Variants in SLC13A1 observed in about 807,000 individuals in gnomAD.
SLC13A1 encodes solute carrier family 13 member 1, also known as Na(+)/sulfate cotransporter.
SLC13A1 carries 65 observed loss-of-function variants against 70.0 expected under a neutral mutation model. The observed-to-expected ratio is 0.93, with a 90% CI of 0.76 to 1.14. SLC13A1 has a LOEUF of 1.14. SLC13A1 is among the 50% of genes most tolerant of loss of function. SLC13A1 has a pLI of 0.00. For missense variants in SLC13A1, 726 were observed against 717.8 expected (o/e 1.01, Z -0.13); for synonymous variants, 275 against 250.5 (o/e 1.10, Z -0.92).
At chr7:123,170,615 T>TG (rs1474322114) in intron 3 of SLC13A1, among the ~76,000 whole-genome samples, 43 of 130,236 alleles carry the variant, frequency 3.3e-4, no homozygotes, top group Non-Finnish European at 5.6e-4. Flanking sequence ...GACGTCGTTT[T>TG]GGTTTTTTTT....
chr7:123,170,783 CAT>C (rs1285370361), intron 3 of SLC13A1, among the ~76,000 whole-genome samples: 2 of 152,036 alleles, frequency 1.3e-5, no homozygotes, highest in African/African-American at 4.8e-5. Flanking sequence ...TGCCTGTCAC[CAT>C]ACCCGGCTAA....
At chr7:123,157,204 A>G (rs1382325753) in intron 6 of SLC13A1, among the ~76,000 whole-genome samples, 2 of 152,178 alleles carry the variant, frequency 1.3e-5, no homozygotes, top group African/African-American at 4.8e-5. Context: ...TACAGCTAGT[A>G]TGAACTCTTC....
chr7:123,161,468 C>T (rs1794894574), intron 6 of SLC13A1, among the ~76,000 whole-genome samples: 1 of 152,088 alleles, frequency 6.6e-6, no homozygotes, highest in African/African-American at 2.4e-5. Flanking sequence ...AATAGAAAAT[C>T]TGAATACTCT....
intron 10 of SLC13A1, among the ~76,000 whole-genome samples, chr7:123,127,881 G>A: frequency 7.7e-6 from 1 of 129,500 alleles, no homozygotes; most frequent in Admixed American, 8.8e-5. Flanking sequence ...GGGGATTTGA[G>A]ACAGGAAGTC....
chr7:123,166,211 C>G (rs1331879223), intron 6 of SLC13A1, among the ~76,000 whole-genome samples: 1 of 151,890 alleles, frequency 6.6e-6, no homozygotes, highest in African/African-American at 2.4e-5. Context: ...ATCAAAAGAC[C>G]TGCCTACAAT....
intron 7 of SLC13A1, among the ~76,000 whole-genome samples, chr7:123,142,450 G>A (rs1255046227): frequency 6.6e-6 from 1 of 152,046 alleles, no homozygotes; most frequent in African/African-American, 2.4e-5. Context: ...GGCCAAGCTG[G>A]CACCTAAAGT....
intron 1 of SLC13A1, among the ~76,000 whole-genome samples, chr7:123,193,476 T>C (rs1796066854): frequency 6.6e-6 from 1 of 152,202 alleles, no homozygotes; most frequent in Admixed American, 6.5e-5. Flanking sequence ...TTGTCCATCA[T>C]GGGTAGAGGT....
chr7:123,125,565 C>T lies in SLC13A1; in HGVS notation c.1240+4G>A. On this transcript the variant is annotated splice_donor_region_variant and intron_variant, in intron 11 of 14. Transcript: ENST00000194130. ...TTTATGCAGAATTATAAATGATACTCAACCAATTTCTCCTGTAGGTGTAGT... is the reference window on the plus strand; with the variant it reads ...TTTATGCAGAATTATAAATGATACTTAACCAATTTCTCCTGTAGGTGTAGT... The T allele has an allele frequency of 6.3e-7, 1 of 1,587,670 alleles. No homozygotes were observed. The highest frequency in any genetic ancestry group is 8.6e-7 in the Non-Finnish European group (1 of 1,162,848).
rs1386000047 is a variant in SLC13A1, at chr7:123,168,512, T to C, written c.603A>G (p.Pro201=). 3.7e-6 allele frequency: 6 copies of C among 1,610,832 alleles called. No individual in the cohort carries two copies. In the South Asian group the frequency reaches 6.6e-5, roughly 18 times the overall value. The change falls in exon 5 of 15, where the codon CCA becomes CCG. Residue 201 remains proline, a synonymous_variant. Transcript: ENST00000194130. Reference sequence around the variant, plus strand: ...ATGTCAGTATTCCTTACCCTGGAACTGGTTTTGTTTTCTCTTTCCTCTCAT... The same window carrying C: ...ATGTCAGTATTCCTTACCCTGGAACCGGTTTTGTTTTCTCTTTCCTCTCAT... The part of the protein sequence containing the change: ...EINERKEKTK[P]VPGYNNDTGK...
intron 7 of SLC13A1, among the ~76,000 whole-genome samples, chr7:123,143,944 A>G (rs1794252512): frequency 1.3e-5 from 2 of 152,248 alleles, no homozygotes; most frequent in South Asian, 4.1e-4. Context: ...TTACAAGATA[A>G]AGTCCCTCGG....
chr7:123,153,270 C>A (rs1199976726), intron 6 of SLC13A1, among the ~76,000 whole-genome samples: 4 of 152,066 alleles, frequency 2.6e-5, no homozygotes, highest in Non-Finnish European at 5.9e-5. Flanking sequence ...ATTATTGCTA[C>A]TGCACATGAG....
chr7:123,122,248 G>C (rs925303508), intron 12 of SLC13A1, among the ~76,000 whole-genome samples: 1 of 152,078 alleles, frequency 6.6e-6, no homozygotes, highest in South Asian at 2.1e-4. Context: ...TTTGTCTTGA[G>C]TAGTATAGAA....
At chr7:123,141,922 A>G (rs1189267175) in intron 7 of SLC13A1, among the ~76,000 whole-genome samples, 4 of 152,140 alleles carry the variant, frequency 2.6e-5, no homozygotes, top group Admixed American at 2.6e-4. Context: ...GTCCACTTAC[A>G]TTCAATGTTA....
chr7:123,142,987 T>C (rs1794211824), intron 7 of SLC13A1, among the ~76,000 whole-genome samples: 1 of 152,040 alleles, frequency 6.6e-6, no homozygotes, highest in Non-Finnish European at 1.5e-5. Context: ...AACAACAGAT[T>C]TCATTCTGGC....
intron 1 of SLC13A1, among the ~76,000 whole-genome samples, chr7:123,181,906 T>G (rs1297358560): frequency 1.3e-5 from 2 of 152,150 alleles, no homozygotes; most frequent in Non-Finnish European, 2.9e-5. Context: ...TTACAAAAAC[T>G]GCTGTTTAGG....
chr7:123,169,342 C>T lies in SLC13A1; in HGVS notation c.366-7G>A. 1 of 1,610,106 alleles carries T rather than the reference C, an allele frequency of 6.2e-7. No homozygotes were observed. The highest frequency in any genetic ancestry group is 8.5e-7 in the Non-Finnish European group (1 of 1,179,666). ...CATGAACCCCAGCGTCAGCCTGAAA[C>T]CAGAGAGCCATTATTGTGGAGCTGT... On this transcript the variant is annotated splice_region_variant and splice_polypyrimidine_tract_variant and intron_variant, in intron 3 of 14. Transcript: ENST00000194130.
chr7:123,183,341 G>C (rs1795698539), intron 1 of SLC13A1, among the ~76,000 whole-genome samples: 1 of 152,130 alleles, frequency 6.6e-6, no homozygotes, highest in Non-Finnish European at 1.5e-5. Flanking sequence ...AACAAACTGA[G>C]ATATTTGGTA....
At chr7:123,183,877 T>G (rs899314990) in intron 1 of SLC13A1, among the ~76,000 whole-genome samples, 6 of 152,192 alleles carry the variant, frequency 3.9e-5, no homozygotes, top group African/African-American at 1.2e-4. Context: ...GTAAAACTTG[T>G]CTACCTTTTG....
At chr7:123,145,590 C>T (rs1794322556) in intron 7 of SLC13A1, among the ~76,000 whole-genome samples, 1 of 152,178 alleles carries the variant, frequency 6.6e-6, no homozygotes, top group Non-Finnish European at 1.5e-5. Context: ...ATGTCAGGTG[C>T]ATTTCTTGTC....
Sources: allele counts gnomAD v4.1 joint callset (sites outside exome capture counted in the v4.1 genomes callset), GRCh38; gene constraint gnomAD v4.1.1; transcripts MANE v1.5; gene names NCBI Gene and HGNC (gene_info 2026-07-23, HGNC 2026-07-21).